Variants in COPZ2 observed in about 807,000 individuals in gnomAD.
COPZ2 encodes the protein coat protein complex I subunit zeta 2.
A neutral mutation model predicts 33.2 loss-of-function variants in COPZ2; 30 were observed. That is an observed-to-expected ratio of 0.90 (90% confidence interval 0.68 to 1.23). The LOEUF is 1.23. Ranked by LOEUF, COPZ2 falls within the 50% of genes most tolerant of loss-of-function variation. COPZ2 has a pLI of 0.00. For missense variants in COPZ2, 263 were observed against 262.4 expected (o/e 1.00, Z -0.02); for synonymous variants, 89 against 102.6 (o/e 0.87, Z 0.80).
chr17:48,046,018 C>T, the COPZ2 span: 1 of 152,218 alleles, frequency 6.6e-6, no homozygotes, highest in African/African-American at 2.4e-5. Context: ...CATCAAATAT[C>T]CTGGGCGCCC....
At position 48,028,424 on chromosome 17, in the gene COPZ2, G is replaced by GT. The variant is rs755833864; in HGVS notation, c.585+47dup. 1.2e-4 allele frequency: 183 copies of GT among 1,579,220 alleles called. No homozygotes were observed. The highest frequency in any genetic ancestry group is 1.1e-3 in the South Asian group (93 of 86,566). On this transcript the variant is annotated intron_variant, in intron 8 of 8. Transcript: ENST00000621465. This position sits in a 1 kb window ranked among gnomAD's most constrained non-coding sequence, Gnocchi z 4.5. ...GATGCTCTAGGATGCTCTGCTCCCC[G>GT]TATCTCTCTAGACCATTTCTAGCCA...
chr17:48,047,908 C>G, the COPZ2 span: 1 of 152,300 alleles, frequency 6.6e-6, no homozygotes, highest in Admixed American at 6.5e-5. Context: ...TTGCAAGTCA[C>G]TGTGGGAACC....
intron 3 of COPZ2, 126 bp downstream of exon 3, chr17:48,033,737 C>T: frequency 2.7e-6 from 2 of 731,856 alleles, no homozygotes; most frequent in Non-Finnish European, 4.7e-6. Context: ...AAGGAGAGGA[C>T]AAAAAGCCTC....
chr17:48,032,070 A>T, intron 6 of COPZ2, 86 bp downstream of exon 6: 1 of 1,095,662 alleles, frequency 9.1e-7, no homozygotes, highest in Non-Finnish European at 1.4e-6. Flanking sequence ...AGTTGGTCAG[A>T]GTTCTAGCCA....
chr17:48,032,662 C>T (rs777219829), intron 5 of COPZ2, 24 bp downstream of exon 5: 18 of 1,568,952 alleles, frequency 1.1e-5, no homozygotes, highest in African/African-American at 4.1e-5. Flanking sequence ...GATGGGGCCT[C>T]GGAGGGCAGA....
upstream of COPZ2, chr17:48,037,871 G>A (rs1464321217): frequency 8.2e-6 from 8 of 977,370 alleles, no homozygotes; most frequent in Non-Finnish European, 9.7e-6. This position sits in a 1 kb window ranked among gnomAD's most constrained non-coding sequence, Gnocchi z 5.6. Context: ...TCTCGCGCGT[G>A]GCCTCCCTTT....
At position 48,029,144 on chromosome 17, in the gene COPZ2, A is replaced by T. The variant is rs1272015089; in HGVS notation, c.527T>A (p.Ile176Asn). ...TCTTACCCTAAAATTCACCTTCTGG[A>T]TCACTTGCTGGGGGTCACTCTCCAG... ...VILESDPQQV[I>N]QKVNFRADDG... Residue 176 changes from isoleucine (I) to asparagine (N), a missense_variant, in exon 7 of 9, where the codon ATC becomes AAC. By Grantham distance (149) the Ile-to-Asn change is moderately radical. Coordinates refer to ENST00000621465, the MANE Select transcript of COPZ2 (RefSeq NM_016429.4). The T allele has an allele frequency of 6.3e-7, 1 of 1,579,234 alleles. No homozygotes were observed. Among genetic ancestry groups the T allele is most frequent in the East Asian group, 2.3e-5 (1 of 43,290 alleles).
intron 4 of COPZ2, 191 bp downstream of exon 4, chr17:48,033,020 G>C (rs1275503610): frequency 1.7e-6 from 1 of 598,430 alleles, no homozygotes; most frequent in Admixed American, 2.9e-5. Flanking sequence ...TGGTTCCCAA[G>C]GAAACTAAGG....
At chr17:48,039,310 A>G (rs1365112282), upstream of COPZ2, among the ~76,000 whole-genome samples, 1 of 151,884 alleles carries the variant, frequency 6.6e-6, no homozygotes, top group African/African-American at 2.4e-5. Flanking sequence ...GTCTCTACTA[A>G]AACTACAAAG....
intron 5 of COPZ2, 96 bp downstream of exon 5, chr17:48,032,590 C>A: frequency 1.0e-6 from 1 of 993,270 alleles, no homozygotes; most frequent in South Asian, 1.4e-5. Flanking sequence ...TTATCTTAGT[C>A]TTGTGGGGAC....
upstream of COPZ2, among the ~76,000 whole-genome samples, chr17:48,040,614 G>GTA (rs1383102605): frequency 6.6e-6 from 1 of 150,792 alleles, no homozygotes; most frequent in East Asian, 2.0e-4. Flanking sequence ...TGTATTTTTA[G>GTA]TAGAGACAGG....
chr17:48,035,753 CTTTT>C (rs368011148), intron 2 of COPZ2, among the ~76,000 whole-genome samples: 1 of 131,502 alleles, frequency 7.6e-6, no homozygotes, highest in Non-Finnish European at 1.6e-5. Flanking sequence ...TTTTTCTTTT[CTTTT>C]TTTTTTTTTT....
chr17:48,044,257 G>A, the COPZ2 span, among the ~76,000 whole-genome samples: 2 of 152,054 alleles, frequency 1.3e-5, no homozygotes, highest in East Asian at 3.9e-4. Context: ...TGAAGCAGGA[G>A]AATCGCTTGA....
At chr17:48,035,721 G>A (rs1267887873) in intron 2 of COPZ2, among the ~76,000 whole-genome samples, 1 of 151,330 alleles carries the variant, frequency 6.6e-6, no homozygotes, top group East Asian at 1.9e-4. Flanking sequence ...ACTGCGCCTG[G>A]CCTTACAACA....
In COPZ2 at chr17:48,029,198, C is replaced by T. The variant is rs373271641; in HGVS notation, c.495-22G>A. ...CACACTACAAGATGAGAGGAAAAACCAGGAGGCAAATCAGTGGCACAATCC... is the reference window on the plus strand; with the variant it reads ...CACACTACAAGATGAGAGGAAAAACTAGGAGGCAAATCAGTGGCACAATCC... On this transcript the variant is annotated intron_variant, in intron 6 of 8. Transcript: ENST00000621465. 19 of 1,562,718 alleles carry T rather than the reference C, an allele frequency of 1.2e-5. No homozygotes were observed. The highest frequency in any genetic ancestry group is 4.3e-6 in the Non-Finnish European group (5 of 1,153,696).
chr17:48,035,686 A>T (rs2036970843), intron 2 of COPZ2, among the ~76,000 whole-genome samples: 1 of 151,886 alleles, frequency 6.6e-6, no homozygotes, highest in African/African-American at 2.4e-5. Context: ...GGCCTCCCAA[A>T]GTACTGGGAT....
intron 6 of COPZ2, chr17:48,031,829 A>G: frequency 2.7e-6 from 1 of 371,360 alleles, no homozygotes; most frequent in South Asian, 2.9e-5. Context: ...CCTTCCAGAG[A>G]GGGCCAGCAT....
intron 6 of COPZ2, 38 bp downstream of exon 6, chr17:48,032,118 A>C: frequency 1.3e-6 from 2 of 1,558,630 alleles, no homozygotes; most frequent in Non-Finnish European, 1.8e-6. Flanking sequence ...TATCAAAGGC[A>C]CTCCTGCTGT....
Position 48,032,596 on chromosome 17 carries a change from G to A in COPZ2, c.416+90C>T. The A allele has an allele frequency of 3.9e-6, 4 of 1,030,584 alleles. No individual in the cohort carries two copies. The South Asian group carries it at 5.6e-5, about 15-fold the overall frequency. 63.8% of individuals were successfully genotyped at this position (1,030,584 alleles called of 1,614,324 possible). On this transcript the variant is annotated intron_variant, in intron 5 of 8. Coordinates refer to ENST00000621465, the MANE Select transcript of COPZ2 (RefSeq NM_016429.4). The stretch of plus-strand genomic sequence containing the variant: ...CTTTTTGGATTATCTTAGTCTTGTG[G>A]GGACTTCAGGAGAAAAACAGGGAGG...
Sources: allele counts gnomAD v4.1 joint callset (sites outside exome capture counted in the v4.1 genomes callset), GRCh38; gene constraint gnomAD v4.1.1; non-coding constraint Gnocchi (gnomAD v3.1); transcripts MANE v1.5; gene names NCBI Gene and HGNC (gene_info 2026-07-23, HGNC 2026-07-21).